MATN2: variants seen among roughly 807,000 people sequenced by gnomAD.
MATN2 encodes matrilin 2.
MATN2 carries 69 observed loss-of-function variants against 103.2 expected under a neutral mutation model. That is an observed-to-expected ratio of 0.67 (90% CI 0.55 to 0.82). The LOEUF is 0.82. Ranked by LOEUF, MATN2 falls within the 40% of genes least tolerant of loss-of-function variation. The pLI, the probability that MATN2 is intolerant of heterozygous loss-of-function variation, is 0.00. For synonymous variants in MATN2, 429 were observed against 450.2 expected (o/e 0.95, Z 0.60); for missense variants, 1,023 against 1,211.5 (o/e 0.84, Z 2.31).
chr8:98,018,199 C>G, intron 12 of MATN2, 83 bp downstream of exon 12: 1 of 1,541,342 alleles, frequency 6.5e-7, no homozygotes, highest in Non-Finnish European at 8.9e-7. Flanking sequence ...TTAAAGTCCT[C>G]CTTTATTACC....
intron 2 of MATN2, among the ~76,000 whole-genome samples, chr8:97,921,303 G>A (rs976043043): frequency 1.3e-5 from 2 of 152,186 alleles, no homozygotes; most frequent in African/African-American, 4.8e-5. Context: ...GTAATCCAGG[G>A]TGTCTCCCTA....
At chr8:97,910,065 CTT>C (rs1224584417) in intron 2 of MATN2, among the ~76,000 whole-genome samples, 12 of 134,900 alleles carry the variant, frequency 8.9e-5, no homozygotes, top group Non-Finnish European at 9.6e-5. Context: ...TTACAGGCGA[CTT>C]TTTTTTTTTT....
At chr8:97,921,484 A>G (rs1191402154) in intron 2 of MATN2, among the ~76,000 whole-genome samples, 1 of 152,186 alleles carries the variant, frequency 6.6e-6, no homozygotes, top group South Asian at 2.1e-4. Context: ...GAGAGGGGAG[A>G]ATTGATTATT....
intron 10 of MATN2, among the ~76,000 whole-genome samples, chr8:98,014,098 C>G (rs932542218): frequency 6.6e-6 from 1 of 151,926 alleles, no homozygotes; most frequent in African/African-American, 2.4e-5. Context: ...ACAGAGCAAG[C>G]CTGTGTCTCA....
chr8:97,990,591 G>T (rs374019732), intron 6 of MATN2, among the ~76,000 whole-genome samples: 1 of 152,192 alleles, frequency 6.6e-6, no homozygotes, highest in African/African-American at 2.4e-5. Flanking sequence ...CAAGTGAATG[G>T]ATAAACAAAT....
At chr8:97,963,651 T>C (rs942771681) in intron 5 of MATN2, among the ~76,000 whole-genome samples, 5 of 152,178 alleles carry the variant, frequency 3.3e-5, no homozygotes, top group African/African-American at 1.2e-4. Context: ...CTGCGGCTGC[T>C]TGACTGCATA....
intron 10 of MATN2, among the ~76,000 whole-genome samples, chr8:98,010,708 TGG>T (rs1813131441): frequency 6.6e-6 from 1 of 152,106 alleles, no homozygotes; most frequent in Admixed American, 6.5e-5. Context: ...ACTCTGGAAG[TGG>T]GCTGGACTCA....
chr8:97,970,668 C>T (rs1811625910), intron 5 of MATN2, among the ~76,000 whole-genome samples: 1 of 152,138 alleles, frequency 6.6e-6, no homozygotes, highest in Non-Finnish European at 1.5e-5. Context: ...GGGATTTAGG[C>T]TGGATGTGGT....
chr8:97,871,543 C>T (rs531665753), intron 1 of MATN2, among the ~76,000 whole-genome samples: 23 of 152,182 alleles, frequency 1.5e-4, no homozygotes, highest in Non-Finnish European at 1.8e-4. Flanking sequence ...AGGGATTCCC[C>T]GTCTTCTAGG....
At chr8:97,884,914 A>C (rs10955135) in intron 1 of MATN2, among the ~76,000 whole-genome samples, 1 of 152,110 alleles carries the variant, frequency 6.6e-6, no homozygotes, top group Non-Finnish European at 1.5e-5. Flanking sequence ...GTCTACTGTT[A>C]TCTCCGTTTT....
intron 6 of MATN2, among the ~76,000 whole-genome samples, chr8:97,992,958 T>TAATAATAATAAC (rs1199866765): frequency 2.6e-4 from 38 of 145,962 alleles, no homozygotes; most frequent in African/African-American, 9.8e-4. Context: ...ATAATAATAA[T>TAATAATAATAAC]AACAACAATA....
intron 10 of MATN2, among the ~76,000 whole-genome samples, chr8:98,008,154 T>C (rs1406948375): frequency 1.3e-5 from 2 of 151,866 alleles, no homozygotes; most frequent in Non-Finnish European, 2.9e-5. Flanking sequence ...CCCGGTGATC[T>C]CACAGCACAT....
chr8:98,026,088 A>G (rs1159994699), intron 13 of MATN2, among the ~76,000 whole-genome samples: 1 of 151,192 alleles, frequency 6.6e-6, no homozygotes, highest in African/African-American at 2.4e-5. Context: ...TTGAGGCAGG[A>G]GAATCACTTG....
At chr8:97,988,242 A>G (rs945883891) in intron 6 of MATN2, among the ~76,000 whole-genome samples, 2 of 148,376 alleles carry the variant, frequency 1.3e-5, no homozygotes, top group Non-Finnish European at 3.0e-5. Flanking sequence ...ATATACAGAA[A>G]AATCATAAAC....
chr8:97,941,971 T>C, intron 4 of MATN2, 72 bp downstream of exon 4: 2 of 1,559,302 alleles, frequency 1.3e-6, no homozygotes, highest in Non-Finnish European at 1.8e-6. Flanking sequence ...TTATCTGGGC[T>C]CATTTTATTC....
intron 4 of MATN2, among the ~76,000 whole-genome samples, chr8:97,945,717 A>AAAATATATAT (rs59472539): frequency 0.039 from 4,790 of 121,578 alleles, 145 homozygotes; most frequent in Non-Finnish European, 0.058. Context: ...AAAAAAAAAA[A>AAAATATATAT]ATATATATAT....
chr8:97,966,279 A>G (rs981769769), intron 5 of MATN2, among the ~76,000 whole-genome samples: 1 of 151,304 alleles, frequency 6.6e-6, no homozygotes, highest in Non-Finnish European at 1.5e-5. Context: ...GATAAGGCCA[A>G]GCGTGGTGGC....
intron 5 of MATN2, among the ~76,000 whole-genome samples, chr8:97,976,522 C>T (rs1057049318): frequency 1.3e-5 from 2 of 152,192 alleles, no homozygotes; most frequent in African/African-American, 2.4e-5. Flanking sequence ...CTAAATATGT[C>T]ATTATCTTCT....
In MATN2 at chr8:97,888,080, C is replaced by T. The variant is rs777273761; in HGVS notation, c.-21C>T. On this transcript the variant is annotated 5_prime_UTR_variant, in exon 2 of 19. Transcript: ENST00000254898. ...TTGTGTTGTGTTTGTCACAGCCTTG[C>T]CCCTCTTGCTCGCCTTGAAAATGGA... is the stretch of plus-strand genomic sequence containing the variant. The T allele has an allele frequency of 6.2e-7, 1 of 1,606,758 alleles. No homozygotes were observed. Among genetic ancestry groups the T allele is most frequent in the Non-Finnish European group, 8.5e-7 (1 of 1,176,890 alleles).
Sources: allele counts gnomAD v4.1 joint callset (sites outside exome capture counted in the v4.1 genomes callset), GRCh38; gene constraint gnomAD v4.1.1; transcripts MANE v1.5; gene names NCBI Gene and HGNC (gene_info 2026-07-23, HGNC 2026-07-21).